Variants in GYPE observed in about 807,000 individuals in gnomAD.
The protein encoded by GYPE is glycophorin-E.
A neutral mutation model predicts 11.6 loss-of-function variants in GYPE; 8 were observed. The ratio of observed to expected loss-of-function variants is 0.69; its 90% CI spans 0.41 to 1.25. The LOEUF (loss-of-function observed/expected upper bound fraction) is 1.25. Ranked by LOEUF, GYPE falls within the 50% of genes most tolerant of loss-of-function variation. The pLI, the probability that GYPE is intolerant of heterozygous loss-of-function variation, is 0.01. For synonymous variants in GYPE, 28 were observed against 29.6 expected, an observed-to-expected ratio of 0.94 and a Z score of 0.18; for missense variants, 90 against 92.8, an observed-to-expected ratio of 0.97 and a Z score of 0.12.
intron 1 of GYPE, among the ~76,000 whole-genome samples, chr4:143,904,439 C>T (rs1744983733): frequency 6.6e-6 from 1 of 152,140 alleles, no homozygotes; most frequent in Non-Finnish European, 1.5e-5. Context: ...CATAATTTGC[C>T]TTAATGTTCC....
At chr4:143,899,616 G>A (rs1227884195) in intron 1 of GYPE, among the ~76,000 whole-genome samples, 1 of 151,498 alleles carries the variant, frequency 6.6e-6, no homozygotes, top group Non-Finnish European at 1.5e-5. Flanking sequence ...TTTGCCCCAA[G>A]AACAGACATA....
chr4:143,873,951 T>C (rs1743700373), intron 3 of GYPE, among the ~76,000 whole-genome samples: 2 of 152,120 alleles, frequency 1.3e-5, no homozygotes, highest in East Asian at 1.9e-4. Flanking sequence ...CACAATTGAA[T>C]GGTCACTGGA....
chr4:143,883,723 G>C (rs1165506216), intron 1 of GYPE, among the ~76,000 whole-genome samples: 2 of 148,894 alleles, frequency 1.3e-5, no homozygotes, highest in African/African-American at 4.9e-5. Flanking sequence ...TGACAAAATA[G>C]CACATGCAGA....
chr4:143,896,768 CAAT>C (rs1463777844), intron 1 of GYPE, among the ~76,000 whole-genome samples: 1 of 152,104 alleles, frequency 6.6e-6, no homozygotes, highest in Non-Finnish European at 1.5e-5. Flanking sequence ...AAATGTCCAA[CAAT>C]GATAGACTGG....
intron 1 of GYPE, among the ~76,000 whole-genome samples, chr4:143,899,486 C>A (rs1744780784): frequency 2.0e-5 from 3 of 152,084 alleles, no homozygotes; most frequent in African/African-American, 7.2e-5. Flanking sequence ...CCTAAAATTT[C>A]TATGAAATTG....
chr4:143,904,380 G>A (rs115674039), intron 1 of GYPE, among the ~76,000 whole-genome samples: 3,081 of 152,176 alleles, frequency 0.02, 117 homozygotes, highest in African/African-American at 0.07. Context: ...TAAGGCAAGT[G>A]CCAACATTGC....
intron 1 of GYPE, among the ~76,000 whole-genome samples, chr4:143,890,293 A>G (rs1271227686): frequency 6.6e-6 from 1 of 152,188 alleles, no homozygotes; most frequent in Non-Finnish European, 1.5e-5. Flanking sequence ...ACTCCTGCCT[A>G]CTAAAGAATC....
At position 143,904,875 on chromosome 4, in the gene GYPE, T is replaced by A. The variant is rs537781623; in HGVS notation, c.37+596A>T. On this transcript the variant is annotated intron_variant, in intron 1 of 3. Coordinates refer to ENST00000358615, the MANE Select transcript of GYPE (RefSeq NM_198682.3). ...ATTCAAATTATTGAATACAATTTAA[T>A]AATGACCCTATGATATTTATTTTAA... Among the ~76,000 whole-genome samples the A allele has an allele frequency of 1.1e-4, 16 of 152,314 alleles. No individual in the cohort carries two copies. In the East Asian group the frequency reaches 3.1e-3, roughly 29 times the overall value.
chr4:143,885,560 T>G (rs1281191466), intron 1 of GYPE, among the ~76,000 whole-genome samples: 1 of 152,104 alleles, frequency 6.6e-6, no homozygotes, highest in Non-Finnish European at 1.5e-5. Context: ...ACTCAGACCC[T>G]AACACTGGCT....
At chr4:143,878,325 T>G (rs34242054) in intron 2 of GYPE, among the ~76,000 whole-genome samples, 38,404 of 151,890 alleles carry the variant, frequency 0.25, 5,043 homozygotes, top group East Asian at 0.36. Flanking sequence ...TTTGTAGAGA[T>G]AGATTTTGCC....
chr4:143,901,462 T>G (rs1744865300), intron 1 of GYPE, among the ~76,000 whole-genome samples: 1 of 60,384 alleles, frequency 1.7e-5, no homozygotes, highest in South Asian at 1.0e-3. Flanking sequence ...CACTCAGAGA[T>G]ACACCCGGAA....
At chr4:143,896,038 T>C (rs1490167560) in intron 1 of GYPE, among the ~76,000 whole-genome samples, 39 of 152,126 alleles carry the variant, frequency 2.6e-4, no homozygotes, top group Non-Finnish European at 2.5e-4. Context: ...ACGTTAGACC[T>C]AAAACCATAA....
chr4:143,893,695 G>T (rs1230841851), intron 1 of GYPE, among the ~76,000 whole-genome samples: 7 of 152,044 alleles, frequency 4.6e-5, no homozygotes, highest in African/African-American at 1.7e-4. Flanking sequence ...TAGTCTCATG[G>T]GCTTCCCTTT....
intron 1 of GYPE, among the ~76,000 whole-genome samples, chr4:143,897,135 T>C (rs1295538365): frequency 6.6e-6 from 1 of 152,082 alleles, no homozygotes; most frequent in Non-Finnish European, 1.5e-5. Context: ...TGTGCACATG[T>C]ACCCTAAAGC....
chr4:143,878,387 T>G (rs1208191509), intron 2 of GYPE, among the ~76,000 whole-genome samples: 1 of 152,204 alleles, frequency 6.6e-6, no homozygotes, highest in East Asian at 1.9e-4. Flanking sequence ...TAGCCAGGCT[T>G]GGCCTCTGAA....
rs1313984390 is a variant in GYPE, at chr4:143,893,293, G to T, written c.37+12178C>A. Among the ~76,000 whole-genome samples the T allele has an allele frequency of 2.2e-5, 3 of 139,060 alleles. No homozygotes were observed. The Admixed American group carries it at 2.3e-4, about 10-fold the overall frequency. 91.2% of individuals were successfully genotyped at this position (139,060 alleles called of 152,430 possible). ...TGCCAGTCTGTGTCTTTTAATTGGA[G>T]CATTTAGTCCATTTACATTTAAAGT... is the stretch of plus-strand genomic sequence containing the variant. On this transcript the variant is annotated intron_variant, in intron 1 of 3. Transcript: ENST00000358615.
At chr4:143,875,482 A>G in intron 3 of GYPE, 1 of 1,551,106 alleles carries the variant, frequency 6.4e-7, no homozygotes, top group Non-Finnish European at 8.7e-7. Flanking sequence ...AGGCAAGATC[A>G]GGCAGCATGC....
intron 3 of GYPE, among the ~76,000 whole-genome samples, chr4:143,874,149 T>C (rs535887247): frequency 2.2e-4 from 34 of 152,248 alleles, no homozygotes; most frequent in African/African-American, 7.9e-4. Flanking sequence ...TTAATGGCTT[T>C]TGTTATTGTC....
chr4:143,875,503 C>T (rs1488981233), intron 3 of GYPE: 6 of 1,550,962 alleles, frequency 3.9e-6, no homozygotes, highest in African/African-American at 1.4e-5. Flanking sequence ...AGGCCACATC[C>T]TCATGCCTGT....
Sources: allele counts gnomAD v4.1 joint callset (sites outside exome capture counted in the v4.1 genomes callset), GRCh38; gene constraint gnomAD v4.1.1; transcripts MANE v1.5; gene names NCBI Gene and HGNC (gene_info 2026-07-23, HGNC 2026-07-21).